RASGRF2: variants seen among roughly 807,000 people sequenced by gnomAD.
RASGRF2 encodes the protein Ras protein specific guanine nucleotide releasing factor 2.
In RASGRF2, 76 loss-of-function variants were observed where a neutral mutation model predicts 151.0. The ratio of observed to expected loss-of-function variants is 0.50; its 90% CI spans 0.42 to 0.61. The LOEUF is 0.61. Among genes scored for constraint, RASGRF2 ranks in the 20% least tolerant of loss-of-function variants. RASGRF2 has a pLI of 0.00. For missense variants in RASGRF2, 1,148 were observed against 1,564.6 expected, an observed-to-expected ratio of 0.73 and a Z score of 4.49; for synonymous variants, 504 against 566.5, an observed-to-expected ratio of 0.89 and a Z score of 1.57.
At chr5:81,026,793 A>G (rs1028179011) in intron 1 of RASGRF2, among the ~76,000 whole-genome samples, 1 of 152,222 alleles carries the variant, frequency 6.6e-6, no homozygotes, top group Non-Finnish European at 1.5e-5. Context: ...AGGACAGGTT[A>G]TATTAACTTT....
In RASGRF2 at chr5:81,113,886, T is replaced by A; in HGVS notation, c.2436T>A (p.Asp812Glu). 6.2e-7 allele frequency: 1 copy of A among 1,614,176 alleles called. No individual in the cohort carries two copies. Among genetic ancestry groups the A allele is most frequent in the Non-Finnish European group, 8.5e-7 (1 of 1,180,018 alleles). ...VEENVDNPRVDLCNKLKRSIQ... is the reference protein window; with the variant it reads ...VEENVDNPRVELCNKLKRSIQ... ...AGAATGTCGATAACCCACGCGTGGA[T>A]CTGTGTAACAAGCTAAAACGAAGTA... Residue 812 changes from aspartate to glutamate, a missense_variant, in exon 15 of 27, where the codon GAT becomes GAA. Around this residue, in one of 5 missense-constraint regions of RASGRF2, gnomAD observed 646 missense variants for 807.4 expected, o/e 0.80. Coordinates refer to ENST00000265080, the MANE Select transcript of RASGRF2 (RefSeq NM_006909.3).
chr5:81,096,966 T>G (rs1226486974), intron 12 of RASGRF2, among the ~76,000 whole-genome samples: 1 of 49,896 alleles, frequency 2.0e-5, no homozygotes, highest in Non-Finnish European at 4.0e-5. Flanking sequence ...TTTGTTTGTT[T>G]GTGTTTTTTT....
At position 81,003,279 on chromosome 5, in the gene RASGRF2, A is replaced by G. The variant is rs374001964; in HGVS notation, c.289-39598A>G. ...ACTCTGTCGCCCAGGCTGGAGTGCA[A>G]TGGCGCGATCTCGGCTCACTGCAAG... On this transcript the variant is annotated intron_variant, in intron 1 of 26. Coordinates refer to ENST00000265080, the MANE Select transcript of RASGRF2 (RefSeq NM_006909.3). Among the ~76,000 whole-genome samples, 683 of 145,612 alleles carry G rather than the reference A, an allele frequency of 4.7e-3. 9 individuals carry two copies. Among genetic ancestry groups the G allele is most frequent in the East Asian group, 0.015 (72 of 4,930 alleles).
At chr5:81,171,141 G>A (rs540241173) in intron 17 of RASGRF2, among the ~76,000 whole-genome samples, 5 of 151,946 alleles carry the variant, frequency 3.3e-5, no homozygotes, top group East Asian at 3.9e-4. Flanking sequence ...CCACTAATTC[G>A]GTGGCCATCC....
At chr5:81,080,515 C>G in intron 6 of RASGRF2, 81 bp from the exon 7 acceptor site, 1 of 1,383,698 alleles carries the variant, frequency 7.2e-7, no homozygotes, top group Non-Finnish European at 1.0e-6. Flanking sequence ...GGTGCTGGGA[C>G]CCACTCTTTG....
chr5:81,147,653 G>T (rs1283342792), intron 17 of RASGRF2, among the ~76,000 whole-genome samples: 4 of 152,118 alleles, frequency 2.6e-5, no homozygotes, highest in African/African-American at 9.7e-5. Context: ...TCCTTTTTCA[G>T]ATATTACTGG....
rs767446101 is a variant in RASGRF2, at chr5:81,123,749, C to T, written c.2578C>T (p.Arg860Cys). 24 of 1,613,716 alleles carry T rather than the reference C, an allele frequency of 1.5e-5. No homozygotes were observed. The highest frequency in any genetic ancestry group is 1.7e-4 in the Middle Eastern group (1 of 5,990). ...CRSPSTPRHLRYRQPGGQTAD... is the reference protein window; with the variant it reads ...CRSPSTPRHLCYRQPGGQTAD... ...ATCCCCCTCAACTCCTCGGCACCTCCGCTATCGACAGCCTGGAGGTAAGAG... is the reference window on the plus strand; with the variant it reads ...ATCCCCCTCAACTCCTCGGCACCTCTGCTATCGACAGCCTGGAGGTAAGAG... The change falls in exon 16 of 27, where the codon CGC becomes TGC. Residue 860 changes from arginine to cysteine, a missense_variant. This residue lies in a region of RASGRF2 where 646 missense variants were observed against 807.4 expected (regional missense o/e 0.80). Transcript: ENST00000265080.
intron 1 of RASGRF2, among the ~76,000 whole-genome samples, chr5:81,001,993 T>C (rs543213538): frequency 1.3e-5 from 2 of 152,340 alleles, no homozygotes; most frequent in South Asian, 4.1e-4. Flanking sequence ...TTGGTCAGTT[T>C]ATCTACGAAG....
In RASGRF2 at chr5:81,208,424, C is replaced by T; in HGVS notation, c.3142C>T (p.Gln1048Ter). The T allele has an allele frequency of 6.2e-7, 1 of 1,608,380 alleles. No individual in the cohort carries two copies. The highest frequency in any genetic ancestry group is 8.5e-7 in the Non-Finnish European group (1 of 1,176,500). The part of the protein sequence containing the change: ...ERTPYIMKTS[Q>*]HFNDMSNLVA... ...AACTCCTTACATTATGAAAACCAGC[C>T]AACACTTCAATGACGTGAGTAACCG... The change falls in exon 22 of 27, where the codon CAA (glutamine) becomes TAA (stop). Residue 1048 changes from glutamine (Q) to a stop codon, truncating the protein, a stop_gained. Transcript: ENST00000265080. LOFTEE classifies it high-confidence loss of function.
intron 18 of RASGRF2, among the ~76,000 whole-genome samples, chr5:81,188,929 G>A (rs902552918): frequency 4.6e-5 from 7 of 152,220 alleles, no homozygotes; most frequent in Non-Finnish European, 8.8e-5. Flanking sequence ...ATAAAAACCC[G>A]CTTCTGACTC....
rs72540804 is a variant in RASGRF2 at position 80,978,795 on chromosome 5, G to GAA, written c.288+17777_288+17778dup. Among the ~76,000 whole-genome samples, 194 of 147,072 alleles carry GAA rather than the reference G, an allele frequency of 1.3e-3. 1 individual carries two copies. Among genetic ancestry groups the GAA allele is most frequent in the Non-Finnish European group, 9.9e-4 (66 of 66,428 alleles). ...AGAGTGAAACTCCATCTCAAAAAAA[G>GAA]AAAAAAAAAGGGGGGGAAACAAAAC... On this transcript the variant is annotated intron_variant, in intron 1 of 26. Transcript: ENST00000265080.
intron 9 of RASGRF2, 94 bp downstream of exon 9, chr5:81,087,047 C>T (rs1752253068): frequency 6.0e-6 from 7 of 1,174,116 alleles, no homozygotes; most frequent in Non-Finnish European, 7.6e-6. Flanking sequence ...ACAGGCGTGA[C>T]GGGTGCGGTG....
chr5:81,167,333 T>C (rs114458469), intron 17 of RASGRF2, among the ~76,000 whole-genome samples: 100 of 152,276 alleles, frequency 6.6e-4, no homozygotes, highest in African/African-American at 2.3e-3. Context: ...GTAGCTATTG[T>C]TTCTGCCCCA....
At chr5:81,042,216 A>G (rs902060147) in intron 1 of RASGRF2, among the ~76,000 whole-genome samples, 10 of 152,196 alleles carry the variant, frequency 6.6e-5, no homozygotes, top group Non-Finnish European at 1.5e-5. Flanking sequence ...TCCAACAATA[A>G]CTTACATTAC....
rs1335854191 is a variant in RASGRF2, at chr5:81,207,438, C to T, written c.3071+89C>T. 4 of 1,106,024 alleles carry T rather than the reference C, an allele frequency of 3.6e-6. No individual in the cohort carries two copies. The Admixed American group carries it at 6.0e-5, about 17-fold the overall frequency. 68.5% of individuals were successfully genotyped at this position (1,106,024 alleles called of 1,614,324 possible). A position where few individuals can be genotyped will look rare whatever the true frequency, so the allele number is the denominator to read the frequency against. ...TTCCTAAGGCAGGTTGTGTGTATGT[C>T]TGTCCCCTCAGTTCCTGTGTGAGTA... On this transcript the variant is annotated intron_variant, in intron 21 of 26. Transcript: ENST00000265080.
chr5:81,216,408 G>C (rs1208969456), intron 24 of RASGRF2, among the ~76,000 whole-genome samples: 2 of 147,584 alleles, frequency 1.4e-5, no homozygotes, highest in African/African-American at 5.0e-5. Context: ...CGCAGAGAGA[G>C]AGAGAGTTTG....
chr5:81,099,091 A>G (rs2112514282), intron 12 of RASGRF2, among the ~76,000 whole-genome samples: 1 of 152,338 alleles, frequency 6.6e-6, no homozygotes. Context: ...ATGCCATTCT[A>G]AACTCCATAA....
At chr5:81,004,088 T>C (rs1168808374) in intron 1 of RASGRF2, among the ~76,000 whole-genome samples, 6 of 152,224 alleles carry the variant, frequency 3.9e-5, no homozygotes, top group Admixed American at 3.3e-4. Context: ...CTGTTGTTGA[T>C]ACGTGAACTG....
chr5:81,094,241 T>G, intron 10 of RASGRF2, 55 bp from the exon 11 acceptor site: 11 of 1,408,366 alleles, frequency 7.8e-6, no homozygotes, highest in Admixed American at 1.7e-5. Context: ...AAATCAGAGC[T>G]TCCCAATCTA....
Sources: gnomAD v4.1 joint callset for allele counts (sites outside exome capture counted in the v4.1 genomes callset) on GRCh38, gnomAD v4.1.1 for gene constraint, gnomAD v4.1.1 regional missense constraint, MANE v1.5 for transcripts, NCBI Gene and HGNC (gene_info 2026-07-23, HGNC 2026-07-21) for gene names.